DPYSL4: variants seen among roughly 807,000 people sequenced by gnomAD.
DPYSL4 encodes dihydropyrimidinase like 4.
In DPYSL4, 43 loss-of-function variants were observed where a neutral mutation model predicts 63.4. That is an observed-to-expected ratio of 0.68 (90% confidence interval 0.53 to 0.88). DPYSL4 has a LOEUF of 0.88. DPYSL4 is among the 40% of genes least tolerant of loss of function. The probability of loss-of-function intolerance (pLI) is 0.00; values close to 1 mark genes in which losing one functional copy is unlikely to be tolerated. For missense variants in DPYSL4, 733 were observed against 819.5 expected, an observed-to-expected ratio of 0.89 and a Z score of 1.29; for synonymous variants, 353 against 331.7, an observed-to-expected ratio of 1.06 and a Z score of -0.70.
intron 2 of DPYSL4, 73 bp from the exon 3 acceptor site, chr10:132,192,585 G>C: frequency 6.6e-7 from 1 of 1,514,634 alleles, no homozygotes; most frequent in Non-Finnish European, 8.8e-7. Flanking sequence ...CTTTAGCTCT[G>C]CTGCATTGCT....
chr10:132,202,179 T>C (rs2062027155), intron 11 of DPYSL4, 63 bp downstream of exon 11: 3 of 1,566,662 alleles, frequency 1.9e-6, no homozygotes, highest in Non-Finnish European at 1.7e-6. Context: ...AGGGCAGCCT[T>C]CCCAGGAGAG....
chr10:132,204,997 G>C lies in DPYSL4; in HGVS notation c.*67G>C. 7.7e-7 allele frequency: 1 copy of C among 1,296,682 alleles called. No homozygotes were observed. The highest frequency in any genetic ancestry group is 1.1e-6 in the Non-Finnish European group (1 of 938,064). 80.3% of individuals were successfully genotyped at this position (1,296,682 alleles called of 1,614,324 possible). Reference sequence around the variant, plus strand: ...AGGCCGCGGGGGCCCCAGGGCACTCGCCCCCCTCCTTAGCATTTTCTTTTG... The same window carrying C: ...AGGCCGCGGGGGCCCCAGGGCACTCCCCCCCCTCCTTAGCATTTTCTTTTG... On this transcript the variant is annotated 3_prime_UTR_variant, in exon 14 of 14. Coordinates refer to ENST00000338492, the MANE Select transcript of DPYSL4 (RefSeq NM_006426.3).
chr10:132,188,225 G>A (rs1448377617), intron 1 of DPYSL4, among the ~76,000 whole-genome samples: 7 of 152,152 alleles, frequency 4.6e-5, no homozygotes, highest in African/African-American at 1.4e-4. Flanking sequence ...GCTGCTTCCC[G>A]GGAACTTTCA....
At chr10:132,195,261 C>T (rs989133329) in intron 4 of DPYSL4, among the ~76,000 whole-genome samples, 3 of 152,174 alleles carry the variant, frequency 2.0e-5, no homozygotes, top group South Asian at 2.1e-4. Flanking sequence ...GCAGATCCGT[C>T]GTTTCTTAGA....
chr10:132,187,349 CGGCCCTGCCG>C (rs560533363), intron 1 of DPYSL4, among the ~76,000 whole-genome samples: 3,649 of 61,130 alleles, frequency 0.06, 74 homozygotes, highest in African/African-American at 0.09. Context: ...CGGCCCTGCC[CGGCCCTGCCG>C]GGCCCTGCCG....
At chr10:132,201,614 A>G (rs1235459175) in intron 10 of DPYSL4, among the ~76,000 whole-genome samples, 5 of 152,186 alleles carry the variant, frequency 3.3e-5, no homozygotes, top group East Asian at 1.9e-4. Flanking sequence ...GGGGTTACTC[A>G]GGCGTTCTTA....
At chr10:132,197,156 G>A (rs2061957112) in intron 6 of DPYSL4, 55 bp downstream of exon 6, 2 of 1,424,808 alleles carry the variant, frequency 1.4e-6, no homozygotes, top group Non-Finnish European at 1.9e-6. Context: ...GTGGGGCAGG[G>A]GCTGCCTGTG....
intron 1 of DPYSL4, among the ~76,000 whole-genome samples, chr10:132,188,090 C>T (rs577111365): frequency 3.9e-5 from 6 of 152,140 alleles, no homozygotes; most frequent in African/African-American, 9.7e-5. Context: ...GGGTTCTGCC[C>T]GGCTGGGTCT....
chr10:132,196,414 C>T (rs1376238507), intron 4 of DPYSL4, among the ~76,000 whole-genome samples: 1 of 152,260 alleles, frequency 6.6e-6, no homozygotes, highest in Non-Finnish European at 1.5e-5. Context: ...AGTGGGGCTC[C>T]AAGGCCCTGC....
rs1396153800 is a variant in DPYSL4, at chr10:132,203,444, G to C, written c.1462-318G>C. The C allele has an allele frequency of 9.7e-6, 4 of 412,846 alleles. No individual in the cohort carries two copies. The Admixed American group carries it at 1.1e-4, about 12-fold the overall frequency. 25.6% of individuals were successfully genotyped at this position (412,846 alleles called of 1,614,324 possible). A position where few individuals can be genotyped will look rare whatever the true frequency, so the allele number is the denominator to read the frequency against. The stretch of plus-strand genomic sequence containing the variant: ...CGTCTGTGCACACACAAGTGCACGT[G>C]GGGCCTCGGAGGGAGGTTGAGCATG... On this transcript the variant is annotated intron_variant, in intron 12 of 13. Coordinates refer to ENST00000338492, the MANE Select transcript of DPYSL4 (RefSeq NM_006426.3).
chr10:132,203,595 GCACCCCCCCAGGGCAGCCC>G (rs2062051127), intron 12 of DPYSL4, 148 bp from the exon 13 acceptor site: 3 of 630,432 alleles, frequency 4.8e-6, no homozygotes, highest in Middle Eastern at 4.3e-4. Flanking sequence ...CTTGGGTTGA[GCACCCCCCCAGGGCAGCCC>G]CAAATTCCTG....
rs868334598 is a variant in DPYSL4, at chr10:132,197,875, C to T, written c.622-540C>T. 3.2e-4 allele frequency among the ~76,000 whole-genome samples: 49 copies of T among 152,230 alleles called. 1 individual carries two copies. Among genetic ancestry groups the T allele is most frequent in the African/African-American group, 1.1e-3 (44 of 41,450 alleles). On this transcript the variant is annotated intron_variant, in intron 6 of 13. Transcript: ENST00000338492. ...ACTTCTGTGGCCCAAGGCCAGGCCC[C>T]GGCTGCACCGTCAGGAGGTTGTCCT...
chr10:132,195,022 G>T lies in DPYSL4; in HGVS notation c.478+13G>T. On this transcript the variant is annotated intron_variant, in intron 4 of 13. Transcript: ENST00000338492. Reference sequence around the variant, plus strand: ...GTCAAGGAGAAGGGTGAGGGTGGCTGGAGGGGCTGGAGGGCGGGCATGGAG... The same window carrying T: ...GTCAAGGAGAAGGGTGAGGGTGGCTTGAGGGGCTGGAGGGCGGGCATGGAG... 6.3e-7 allele frequency: 1 copy of T among 1,596,458 alleles called. No homozygotes were observed. The highest frequency in any genetic ancestry group is 8.5e-7 in the Non-Finnish European group (1 of 1,177,824).
chr10:132,196,533 C>T (rs763788840), intron 4 of DPYSL4, among the ~76,000 whole-genome samples: 1 of 152,230 alleles, frequency 6.6e-6, no homozygotes, highest in Non-Finnish European at 1.5e-5. Flanking sequence ...AGAGCCCAGG[C>T]ACAGCGGCTC....
Position 132,190,977 on chromosome 10 carries a change from C to T in DPYSL4, c.128+142C>T. Reference sequence around the variant, plus strand: ...TATCCAGGCAGGTGAAAGTATGTTCCCAGCTCGTGTGTACACGCTGGCCAC... The same window carrying T: ...TATCCAGGCAGGTGAAAGTATGTTCTCAGCTCGTGTGTACACGCTGGCCAC... On this transcript the variant is annotated intron_variant, in intron 2 of 13. Coordinates refer to ENST00000338492, the MANE Select transcript of DPYSL4 (RefSeq NM_006426.3). The T allele has an allele frequency of 3.1e-5, 25 of 798,760 alleles. No homozygotes were observed. In the South Asian group the frequency reaches 4.3e-4, roughly 14 times the overall value. 49.5% of individuals were successfully genotyped at this position (798,760 alleles called of 1,614,324 possible). A position where few individuals can be genotyped will look rare whatever the true frequency, so the allele number is the denominator to read the frequency against.
intron 1 of DPYSL4, among the ~76,000 whole-genome samples, chr10:132,189,498 C>T (rs2061846308): frequency 6.6e-6 from 1 of 152,230 alleles, no homozygotes; most frequent in Non-Finnish European, 1.5e-5. Flanking sequence ...AACGCCACAG[C>T]TCTGTGCTGC....
chr10:132,200,303 C>CTCA, intron 8 of DPYSL4, 53 bp from the exon 9 acceptor site: 3 of 1,603,592 alleles, frequency 1.9e-6, no homozygotes, highest in Non-Finnish European at 2.6e-6. Context: ...TTCTCGGGGC[C>CTCA]CCAGGGGGTG....
intron 10 of DPYSL4, 49 bp downstream of exon 10, chr10:132,201,032 C>A (rs533126209): frequency 6.3e-7 from 1 of 1,598,242 alleles, no homozygotes; most frequent in Admixed American, 1.7e-5. Flanking sequence ...CGGCTGTGGG[C>A]GGGATTGTGA....
chr10:132,198,444 C>T lies in DPYSL4; in HGVS notation c.651C>T (p.Ile217=). 6 of 1,607,230 alleles carry T rather than the reference C, an allele frequency of 3.7e-6. No homozygotes were observed. Among genetic ancestry groups the T allele is most frequent in the Non-Finnish European group, 5.1e-6 (6 of 1,178,422 alleles). ...AGAAGCGGTTGCTGGAGCTCGGCAT[C>T]ACTGGCCCCGAGGGCCACGTGCTCA... ...EEQKRLLELG[I]TGPEGHVLSH... The change falls in exon 7 of 14, where the codon ATC becomes ATT. Residue 217 remains isoleucine, a synonymous_variant. Coordinates refer to ENST00000338492, the MANE Select transcript of DPYSL4 (RefSeq NM_006426.3).
Sources: allele counts gnomAD v4.1 joint callset (sites outside exome capture counted in the v4.1 genomes callset), GRCh38; gene constraint gnomAD v4.1.1; transcripts MANE v1.5; gene names NCBI Gene and HGNC (gene_info 2026-07-23, HGNC 2026-07-21).